The following DPP10 variants were observed in gnomAD, a reference collection of about 807,000 sequenced individuals.
DPP10 encodes the protein inactive dipeptidyl peptidase 10.
DPP10 carries 33 observed loss-of-function variants against 120.9 expected under a neutral mutation model. The ratio of observed to expected loss-of-function variants is 0.27; its 90% confidence interval spans 0.21 to 0.37. DPP10 has a LOEUF of 0.37. Among genes scored for constraint, DPP10 ranks in the 10% least tolerant of loss-of-function variants. The pLI is 1.00. For missense variants in DPP10, 816 were observed against 942.8 expected, an observed-to-expected ratio of 0.87 and a Z score of 1.76; for synonymous variants, 337 against 326.1, an observed-to-expected ratio of 1.03 and a Z score of -0.36.
At chr2:115,047,185 A>G (rs1174416490) in intron 1 of DPP10, among the ~76,000 whole-genome samples, 2 of 152,136 alleles carry the variant, frequency 1.3e-5, no homozygotes, top group Non-Finnish European at 2.9e-5. Context: ...TTTATAAATT[A>G]GAAATACGCT....
At chr2:115,782,001 G>T (rs1682818991) in intron 16 of DPP10, among the ~76,000 whole-genome samples, 1 of 151,944 alleles carries the variant, frequency 6.6e-6, no homozygotes, top group African/African-American at 2.4e-5. Flanking sequence ...CAGTGGATGA[G>T]GGGTGAAAGG....
intron 5 of DPP10, among the ~76,000 whole-genome samples, chr2:115,557,077 AC>A (rs2080260424): frequency 6.6e-6 from 1 of 152,256 alleles, no homozygotes; most frequent in East Asian, 1.9e-4. Context: ...ACTTAGAGGT[AC>A]CCCATGTATT....
At chr2:114,952,533 T>C (rs1467144613) in intron 1 of DPP10, among the ~76,000 whole-genome samples, 2 of 152,202 alleles carry the variant, frequency 1.3e-5, no homozygotes, top group East Asian at 1.9e-4. Flanking sequence ...TCTGGTCTTT[T>C]CTAAGCTGCC....
chr2:115,080,049 C>A (rs1037888416), intron 1 of DPP10, among the ~76,000 whole-genome samples: 2 of 152,032 alleles, frequency 1.3e-5, no homozygotes, highest in East Asian at 3.9e-4. Flanking sequence ...TGGAGTCTTG[C>A]TCTTATAGCC....
intron 1 of DPP10, among the ~76,000 whole-genome samples, chr2:114,848,348 C>G (rs1271996095): frequency 1.3e-5 from 2 of 152,102 alleles, no homozygotes; most frequent in Non-Finnish European, 2.9e-5. Context: ...AACCCTGGGA[C>G]TCTAGCAAAA....
chr2:115,487,122 T>C (rs1415938736), intron 3 of DPP10, among the ~76,000 whole-genome samples: 8 of 151,764 alleles, frequency 5.3e-5, no homozygotes, highest in African/African-American at 1.9e-4. Flanking sequence ...TGAACTCCCA[T>C]TCACAATTGC....
At chr2:115,129,163 G>A (rs920090903) in intron 1 of DPP10, among the ~76,000 whole-genome samples, 1 of 152,218 alleles carries the variant, frequency 6.6e-6, no homozygotes, top group Non-Finnish European at 1.5e-5. Flanking sequence ...GAGGCTTAAA[G>A]AGATAGGATC....
intron 3 of DPP10, among the ~76,000 whole-genome samples, chr2:115,362,817 G>A (rs1285421763): frequency 1.4e-4 from 21 of 152,150 alleles, no homozygotes; most frequent in Admixed American, 1.4e-3. Context: ...TTCACAGAAA[G>A]TTGTCTGCTT....
intron 1 of DPP10, among the ~76,000 whole-genome samples, chr2:115,187,060 C>T (rs111784165): frequency 2.6e-4 from 24 of 91,432 alleles, no homozygotes; most frequent in African/African-American, 9.1e-4. Flanking sequence ...TTTTTTGAGA[C>T]GGAGTTTCGC....
chr2:114,506,069 G>A (rs1046893774), intron 1 of DPP10, among the ~76,000 whole-genome samples: 15 of 152,316 alleles, frequency 9.8e-5, no homozygotes, highest in African/African-American at 2.6e-4. Context: ...GCAGGTCCCC[G>A]GCAAGGGCCC....
intron 1 of DPP10, among the ~76,000 whole-genome samples, chr2:114,722,469 A>G (rs1701757695): frequency 6.6e-6 from 1 of 152,088 alleles, no homozygotes; most frequent in Admixed American, 6.6e-5. Flanking sequence ...ACCATTAGAA[A>G]AACTCAGATC....
At chr2:115,384,429 GAGA>G (rs1019032054) in intron 3 of DPP10, among the ~76,000 whole-genome samples, 10 of 124,158 alleles carry the variant, frequency 8.1e-5, no homozygotes, top group South Asian at 2.7e-4. Flanking sequence ...GAAGAAGAAG[GAGA>G]AGAAGAAGAG....
chr2:114,846,982 C>T (rs1466347582), intron 1 of DPP10, among the ~76,000 whole-genome samples: 1 of 152,090 alleles, frequency 6.6e-6, no homozygotes, highest in African/African-American at 2.4e-5. Flanking sequence ...TGTTTTCTTC[C>T]CAAACCCTAT....
At chr2:115,371,917 G>T (rs1277005596) in intron 3 of DPP10, among the ~76,000 whole-genome samples, 2 of 152,002 alleles carry the variant, frequency 1.3e-5, no homozygotes. Flanking sequence ...ATACTTATAA[G>T]AACTATTTTT....
intron 1 of DPP10, among the ~76,000 whole-genome samples, chr2:114,483,908 G>A (rs1681278391): frequency 6.6e-6 from 1 of 152,116 alleles, no homozygotes; most frequent in Non-Finnish European, 1.5e-5. Context: ...GCTGAGCGGT[G>A]GCACTGTCAT....
intron 1 of DPP10, among the ~76,000 whole-genome samples, chr2:115,225,512 CGT>C (rs967448797): frequency 2.1e-4 from 28 of 133,060 alleles, no homozygotes; most frequent in Non-Finnish European, 2.0e-4. Context: ...TGTGTGTGTG[CGT>C]GTGTGTGTGT....
chr2:114,453,326 A>T (rs771941836), intron 1 of DPP10, among the ~76,000 whole-genome samples: 6 of 152,310 alleles, frequency 3.9e-5, no homozygotes, highest in Non-Finnish European at 8.8e-5. Flanking sequence ...GCAAAAGGGC[A>T]GGTAGAAAGA....
chr2:114,469,339 A>G (rs1215238451), intron 1 of DPP10, among the ~76,000 whole-genome samples: 1 of 152,238 alleles, frequency 6.6e-6, no homozygotes, highest in East Asian at 1.9e-4. Context: ...TTTGTTCTCA[A>G]ACAAAAGTAA....
intron 1 of DPP10, among the ~76,000 whole-genome samples, chr2:114,675,628 G>T (rs1294109190): frequency 6.6e-6 from 1 of 152,086 alleles, no homozygotes; most frequent in Non-Finnish European, 1.5e-5. Context: ...ATGGTTCCCA[G>T]TATTGGCTTC....
Sources: allele counts gnomAD v4.1 joint callset (sites outside exome capture counted in the v4.1 genomes callset), GRCh38; gene constraint gnomAD v4.1.1; transcripts MANE v1.5; gene names NCBI Gene and HGNC (gene_info 2026-07-23, HGNC 2026-07-21).